AKR1C3: variants seen among roughly 807,000 people sequenced by gnomAD.
AKR1C3 encodes aldo-keto reductase family 1 member C3, also known as 3-alpha hydroxysteroid dehydrogenase, type II.
In AKR1C3, 48 loss-of-function variants were observed where a neutral mutation model predicts 43.6. The ratio of observed to expected loss-of-function variants is 1.10; its 90% confidence interval spans 0.87 to 1.40. AKR1C3 has a LOEUF of 1.40. AKR1C3 is among the 40% of genes most tolerant of loss of function. AKR1C3 has a pLI of 0.00. For synonymous variants in AKR1C3, 162 were observed against 139.6 expected (o/e 1.16, Z -1.13); for missense variants, 482 against 391.2 (o/e 1.23, Z -1.96).
chr10:5,076,997 AC>A (rs1838729136), intron 1 of AKR1C3, among the ~76,000 whole-genome samples: 1 of 152,308 alleles, frequency 6.6e-6, no homozygotes, highest in East Asian at 1.9e-4. Context: ...CTGTTTCAGC[AC>A]CTCATTGGGA....
Position 5,107,650 on chromosome 10 carries a change from G to A in AKR1C3, c.*147G>A. On this transcript the variant is annotated 3_prime_UTR_variant, in exon 9 of 9. Transcript: ENST00000380554. Reference sequence around the variant, plus strand: ...CAGTCAACTACAGCTGAGTCCATAGGCCAGAAAGACAATAAATTTTTATCA... The same window carrying A: ...CAGTCAACTACAGCTGAGTCCATAGACCAGAAAGACAATAAATTTTTATCA... 1.7e-6 allele frequency: 1 copy of A among 593,318 alleles called. No homozygotes were observed. The highest frequency in any genetic ancestry group is 3.0e-6 in the Non-Finnish European group (1 of 334,252). The allele number at this position is 593,318 out of a possible 1,614,324, so 36.8% of individuals were successfully genotyped here. A position where few individuals can be genotyped will look rare whatever the true frequency, so the allele number is the denominator to read the frequency against.
intron 1 of AKR1C3, among the ~76,000 whole-genome samples, chr10:5,070,340 A>C (rs1439836159): frequency 1.0e-5 from 1 of 99,860 alleles, no homozygotes; most frequent in Admixed American, 8.5e-5. Context: ...AAAATGCACA[A>C]AAAAGCAAAG....
At chr10:5,104,575 CTGTTA>C (rs1158458861) in intron 7 of AKR1C3, among the ~76,000 whole-genome samples, 7 of 151,966 alleles carry the variant, frequency 4.6e-5, no homozygotes, top group South Asian at 2.1e-4. Flanking sequence ...ACTGACTATT[CTGTTA>C]TATGAAATTT....
At chr10:5,054,556 C>G (rs1374955289) in intron 1 of AKR1C3, among the ~76,000 whole-genome samples, 1 of 152,190 alleles carries the variant, frequency 6.6e-6, no homozygotes, top group Non-Finnish European at 1.5e-5. Context: ...GCTGGGTAGA[C>G]AGAACTTTAT....
Position 5,094,439 on chromosome 10 carries a change from C to T in AKR1C3, c.-6C>T. 1.2e-6 allele frequency: 2 copies of T among 1,607,932 alleles called. No homozygotes were observed. Among genetic ancestry groups the T allele is most frequent in the Non-Finnish European group, 1.7e-6 (2 of 1,174,926 alleles). On this transcript the variant is annotated 5_prime_UTR_variant, in exon 1 of 9. Coordinates refer to ENST00000380554, the MANE Select transcript of AKR1C3 (RefSeq NM_003739.6). Reference sequence around the variant, plus strand: ...AAACATTTGCTAGTCAGACAAGTGACAGGGAATGGATTCCAAACACCAGTG... The same window carrying T: ...AAACATTTGCTAGTCAGACAAGTGATAGGGAATGGATTCCAAACACCAGTG...
At chr10:5,098,211 C>T in intron 3 of AKR1C3, 4 of 978,314 alleles carry the variant, frequency 4.1e-6, no homozygotes, top group Non-Finnish European at 4.9e-6. Context: ...ATGAAATAGT[C>T]TACAAAAATG....
chr10:5,052,441 C>T (rs552311898), intron 1 of AKR1C3, among the ~76,000 whole-genome samples: 26 of 152,300 alleles, frequency 1.7e-4, no homozygotes, highest in South Asian at 4.1e-4. Flanking sequence ...CCACCCACAT[C>T]CTGCTGATTG....
chr10:5,103,389 A>G (rs1554786459), intron 7 of AKR1C3, among the ~76,000 whole-genome samples: 1 of 152,076 alleles, frequency 6.6e-6, no homozygotes, highest in African/African-American at 2.4e-5. Context: ...ATAGGAGACC[A>G]TAATTATACT....
At position 5,064,074 on chromosome 10, in the gene AKR1C3, T is replaced by C. The variant is rs1250341803; in HGVS notation, c.84+15179T>C. On this transcript the variant is annotated intron_variant, in intron 1 of 8. Transcript: ENST00000439082. ...CTCATCCATAAAAGTAGCTTCTCATTTGGTAAAATTATATCGTGAGATTGC... is the reference window on the plus strand; with the variant it reads ...CTCATCCATAAAAGTAGCTTCTCATCTGGTAAAATTATATCGTGAGATTGC... 3.3e-5 allele frequency among the ~76,000 whole-genome samples: 5 copies of C among 152,354 alleles called. No homozygotes were observed. The East Asian group carries it at 9.6e-4, about 29-fold the overall frequency.
upstream of AKR1C3, chr10:5,094,173 A>G (rs1839156473): frequency 1.3e-5 from 3 of 225,270 alleles, no homozygotes; most frequent in Admixed American, 1.6e-4. Flanking sequence ...GATTTAGAAT[A>G]GAAAATAATA....
At chr10:5,077,119 G>T (rs1045374358) in intron 1 of AKR1C3, among the ~76,000 whole-genome samples, 4 of 151,974 alleles carry the variant, frequency 2.6e-5, no homozygotes, top group Admixed American at 6.6e-5. Context: ...AACATTCGTG[G>T]TGGTTTAGTG....
At chr10:5,070,222 C>A (rs1407943094) in intron 1 of AKR1C3, among the ~76,000 whole-genome samples, 2 of 152,180 alleles carry the variant, frequency 1.3e-5, no homozygotes, top group African/African-American at 4.8e-5. Context: ...GAAATAAATC[C>A]TAATCTTTGG....
chr10:5,064,807 T>G (rs1838461016), intron 1 of AKR1C3, among the ~76,000 whole-genome samples: 1 of 151,084 alleles, frequency 6.6e-6, no homozygotes, highest in African/African-American at 2.4e-5. Flanking sequence ...TAGAGGAATG[T>G]AAATCAAAAC....
intron 1 of AKR1C3, among the ~76,000 whole-genome samples, chr10:5,086,569 A>G (rs942674071): frequency 6.6e-6 from 1 of 151,622 alleles, no homozygotes; most frequent in African/African-American, 2.4e-5. Context: ...TGGGGTGGAG[A>G]GCTCTGTAGG....
intron 1 of AKR1C3, among the ~76,000 whole-genome samples, chr10:5,082,084 C>G (rs1410463271): frequency 6.6e-6 from 1 of 152,100 alleles, no homozygotes; most frequent in Non-Finnish European, 1.5e-5. Context: ...ATGATTCTGC[C>G]TTAAATAGAG....
chr10:5,106,753 C>A (rs797034671), intron 8 of AKR1C3, among the ~76,000 whole-genome samples: 78 of 136,080 alleles, frequency 5.7e-4, no homozygotes, highest in South Asian at 1.4e-3. Context: ...GGCTCCATCT[C>A]AAAAAAAAAA....
chr10:5,070,803 G>T (rs1335334394), intron 1 of AKR1C3, among the ~76,000 whole-genome samples: 2 of 152,198 alleles, frequency 1.3e-5, no homozygotes, highest in Non-Finnish European at 2.9e-5. Context: ...AAATTTGTCT[G>T]CACTTGATCT....
chr10:5,089,505 A>T (rs1839040305), upstream of AKR1C3, among the ~76,000 whole-genome samples: 1 of 152,108 alleles, frequency 6.6e-6, no homozygotes, highest in African/African-American at 2.4e-5. Flanking sequence ...TCAAGATATG[A>T]AATGCTTTCT....
chr10:5,053,185 G>A (rs182191515), intron 1 of AKR1C3, among the ~76,000 whole-genome samples: 14 of 152,372 alleles, frequency 9.2e-5, no homozygotes, highest in Admixed American at 1.3e-4. Context: ...ACTGGGTGCC[G>A]TGGAGCAGGG....
Sources: allele counts gnomAD v4.1 joint callset (sites outside exome capture counted in the v4.1 genomes callset), GRCh38; gene constraint gnomAD v4.1.1; transcripts MANE v1.5; gene names NCBI Gene and HGNC (gene_info 2026-07-23, HGNC 2026-07-21).